PTPRE: variants seen among roughly 807,000 people sequenced by gnomAD.
PTPRE encodes the protein protein tyrosine phosphatase receptor type E.
In PTPRE, 51 loss-of-function variants were observed where a neutral mutation model predicts 102.0. The observed-to-expected ratio is 0.50, with a 90% CI of 0.40 to 0.63. PTPRE has a LOEUF of 0.63. Among genes scored for constraint, PTPRE ranks in the 30% least tolerant of loss-of-function variants. The pLI is 0.00. For synonymous variants in PTPRE, 345 were observed against 348.2 expected (o/e 0.99, Z 0.10); for missense variants, 752 against 915.1 (o/e 0.82, Z 2.30).
At chr10:127,914,417 T>C (rs1846069471) in intron 1 of PTPRE, among the ~76,000 whole-genome samples, 1 of 152,230 alleles carries the variant, frequency 6.6e-6, no homozygotes, top group Non-Finnish European at 1.5e-5. Context: ...ACTATCATAC[T>C]TCCCAGGATA....
At chr10:128,053,589 C>T (rs537324069) in intron 6 of PTPRE, among the ~76,000 whole-genome samples, 6 of 152,292 alleles carry the variant, frequency 3.9e-5, no homozygotes, top group Admixed American at 1.3e-4. Context: ...GGGCCCGATG[C>T]CCCTCCCCAC....
At position 128,083,574 on chromosome 10, in the gene PTPRE, GATGTAAATGCTGGGTGGTCCCGTTGACCC is replaced by G. The variant is rs1851890615; in HGVS notation, c.*670_*698del. 6.6e-6 allele frequency: 1 copy of G among 152,100 alleles called. No individual in the cohort carries two copies. Among genetic ancestry groups the G allele is most frequent in the Non-Finnish European group, 1.5e-5 (1 of 68,028 alleles). The allele number at this position is 152,100 out of a possible 1,614,324, so 9.4% of individuals were successfully genotyped here. On this transcript the variant is annotated 3_prime_UTR_variant, in exon 21 of 21. Coordinates refer to ENST00000254667, the MANE Select transcript of PTPRE (RefSeq NM_006504.6). ...ACACTATCTTGGCTGAACGAGAAGAGATGTAAATGCTGGGTGGTCCCGTTGACCCACGGCGTTGGGTACAACAAAACCAG... is the reference window on the plus strand; with the variant it reads ...ACACTATCTTGGCTGAACGAGAAGAGACGGCGTTGGGTACAACAAAACCAG...
chr10:127,999,867 G>C (rs1379568811), intron 2 of PTPRE: 1 of 985,246 alleles, frequency 1.0e-6, no homozygotes, highest in Admixed American at 6.2e-5. Flanking sequence ...AGCCTGCTTG[G>C]AAATGTTCAA....
Position 128,079,574 on chromosome 10 carries a change from G to A in PTPRE, c.1907G>A (p.Arg636Gln), listed in dbSNP as rs762552940. The A allele has an allele frequency of 1.9e-6, 3 of 1,614,076 alleles. No homozygotes were observed. The highest frequency in any genetic ancestry group is 2.2e-5 in the East Asian group (1 of 44,882). Residue 636 changes from arginine (R) to glutamine (Q), a missense_variant, in exon 20 of 21, where the codon CGA becomes CAA. This residue lies in a region of PTPRE where 636 missense variants were observed against 824.4 expected (regional missense o/e 0.77). Coordinates refer to ENST00000254667, the MANE Select transcript of PTPRE (RefSeq NM_006504.6). Reference sequence around the variant, plus strand: ...TTTCTCTGCAGTGCCGGAGCTGGGCGAACAGGTACATTCATAGCCCTCAGC... The same window carrying A: ...TTTCTCTGCAGTGCCGGAGCTGGGCAAACAGGTACATTCATAGCCCTCAGC... ...ITVHCSAGAG[R>Q]TGTFIALSNI...
At chr10:127,950,677 G>A (rs1848948875) in intron 1 of PTPRE, among the ~76,000 whole-genome samples, 1 of 152,242 alleles carries the variant, frequency 6.6e-6, no homozygotes, top group Admixed American at 6.5e-5. Flanking sequence ...GGGGCCAAGT[G>A]GCAGCACTCA....
chr10:127,942,973 GA>G (rs1266982267), intron 1 of PTPRE, among the ~76,000 whole-genome samples: 32 of 152,314 alleles, frequency 2.1e-4, no homozygotes, highest in Middle Eastern at 6.8e-3. Context: ...TTGAGACTCG[GA>G]AGCAATTTTA....
At chr10:128,038,907 A>T (rs1247662966) in intron 2 of PTPRE, among the ~76,000 whole-genome samples, 1 of 152,138 alleles carries the variant, frequency 6.6e-6, no homozygotes, top group Non-Finnish European at 1.5e-5. Flanking sequence ...ATGTCAGGAA[A>T]ATCACCTGTG....
chr10:128,081,099 TAA>T (rs1294468459), intron 20 of PTPRE, among the ~76,000 whole-genome samples: 1 of 152,056 alleles, frequency 6.6e-6, no homozygotes, highest in Non-Finnish European at 1.5e-5. Context: ...GGGAAAGGCT[TAA>T]CTAGTACTGT....
intron 2 of PTPRE, among the ~76,000 whole-genome samples, chr10:127,985,034 G>A (rs115817716): frequency 0.016 from 2,406 of 152,314 alleles, 36 homozygotes; most frequent in African/African-American, 0.031. Flanking sequence ...TCACTTGTGG[G>A]ATTCAGAGAC....
chr10:127,949,112 G>T (rs752626040), intron 1 of PTPRE, among the ~76,000 whole-genome samples: 1 of 152,220 alleles, frequency 6.6e-6, no homozygotes, highest in Non-Finnish European at 1.5e-5. Flanking sequence ...GCCACGGACT[G>T]GGAATTTCAC....
In PTPRE at chr10:128,047,401, C is replaced by G; in HGVS notation, c.121C>G (p.Pro41Ala). ...TGCTTCTCCTGCAGGCCCTCCGGAC[C>G]CGGGCGCCTCCCAGCCGCTGCTGGC... is the stretch of plus-strand genomic sequence containing the variant. ...ETTTTSGPPD[P>A]GASQPLLAWL... The change falls in exon 4 of 21, where the codon CCG (proline) becomes GCG (alanine). Residue 41 changes from proline to alanine, a missense_variant. Coordinates refer to ENST00000254667, the MANE Select transcript of PTPRE (RefSeq NM_006504.6). 6.2e-7 allele frequency: 1 copy of G among 1,612,876 alleles called. No homozygotes were observed. Among genetic ancestry groups the G allele is most frequent in the Non-Finnish European group, 8.5e-7 (1 of 1,179,892 alleles).
At position 127,956,312 on chromosome 10, in the gene PTPRE, G is replaced by A. The variant is rs535702352; in HGVS notation, c.-30-25962G>A. Among the ~76,000 whole-genome samples the A allele has an allele frequency of 1.1e-3, 175 of 152,310 alleles. 1 individual carries two copies. Among genetic ancestry groups the A allele is most frequent in the African/African-American group, 4.1e-3 (171 of 41,552 alleles). On this transcript the variant is annotated intron_variant, in intron 1 of 20. Coordinates refer to ENST00000254667, the MANE Select transcript of PTPRE (RefSeq NM_006504.6). ...TTAGCATTTGAGTCCAAGTGGACTA[G>A]ATGAGAAGCCACACTGCCAGCATCT...
chr10:127,974,959 G>A (rs1412488777), intron 1 of PTPRE, among the ~76,000 whole-genome samples: 1 of 152,118 alleles, frequency 6.6e-6, no homozygotes, highest in South Asian at 2.1e-4. Context: ...ACTGTACTGT[G>A]TTGTTGTAGA....
rs571927184 is a variant in PTPRE, at chr10:128,040,380, G to T, written c.-7-495G>T. Reference sequence around the variant, plus strand: ...TGAAAGGATCGAGGTTTCCCAGGCAGAGTGAAGGGGGATGAAGAAACCGAT... The same window carrying T: ...TGAAAGGATCGAGGTTTCCCAGGCATAGTGAAGGGGGATGAAGAAACCGAT... On this transcript the variant is annotated intron_variant, in intron 2 of 20. Coordinates refer to ENST00000254667, the MANE Select transcript of PTPRE (RefSeq NM_006504.6). Among the ~76,000 whole-genome samples the T allele has an allele frequency of 1.6e-4, 24 of 152,288 alleles. 1 individual carries two copies. The South Asian group carries it at 3.7e-3, about 24-fold the overall frequency.
chr10:128,035,257 T>C (rs1488057384), intron 2 of PTPRE, among the ~76,000 whole-genome samples: 1 of 149,644 alleles, frequency 6.7e-6, no homozygotes, highest in East Asian at 2.0e-4. Flanking sequence ...AAAAGTTTTC[T>C]TAAAAACATA....
At position 128,066,057 on chromosome 10, in the gene PTPRE, T is replaced by C. The variant is rs766827538; in HGVS notation, c.724-18T>C. The C allele has an allele frequency of 1.9e-6, 3 of 1,614,040 alleles. No homozygotes were observed. Among genetic ancestry groups the C allele is most frequent in the African/African-American group, 1.3e-5 (1 of 74,896 alleles). ...GCACCCACAGATCTATTTGCTTCTA[T>C]TAAATTGTTCCGTGCAGGAAAAGTG... On this transcript the variant is annotated intron_variant, in intron 10 of 20. Coordinates refer to ENST00000254667, the MANE Select transcript of PTPRE (RefSeq NM_006504.6).
At chr10:127,908,289 G>T (rs1433611629) in intron 1 of PTPRE, among the ~76,000 whole-genome samples, 1 of 152,126 alleles carries the variant, frequency 6.6e-6, no homozygotes, top group Non-Finnish European at 1.5e-5. Context: ...ACGTGATACA[G>T]AAATTACTGT....
At chr10:128,054,489 G>A (rs559468247) in intron 6 of PTPRE, among the ~76,000 whole-genome samples, 5 of 152,238 alleles carry the variant, frequency 3.3e-5, no homozygotes, top group African/African-American at 9.6e-5. Context: ...TACAGGCGGC[G>A]TAGGTGCTGG....
rs559755821 is a variant in PTPRE at position 127,969,064 on chromosome 10, G to A, written c.-30-13210G>A. On this transcript the variant is annotated intron_variant, in intron 1 of 20. Transcript: ENST00000254667. Reference sequence around the variant, plus strand: ...AACAATGGTTTTCACCCCAAAAGATGGAGAATTCCCCTTTCTATTTCCATA... The same window carrying A: ...AACAATGGTTTTCACCCCAAAAGATAGAGAATTCCCCTTTCTATTTCCATA... Among the ~76,000 whole-genome samples the A allele has an allele frequency of 6.6e-5, 10 of 152,310 alleles. No individual in the cohort carries two copies. The South Asian group carries it at 1.0e-3, about 16-fold the overall frequency.
Sources: gnomAD v4.1 joint callset for allele counts (sites outside exome capture counted in the v4.1 genomes callset) on GRCh38, gnomAD v4.1.1 for gene constraint, gnomAD v4.1.1 regional missense constraint, MANE v1.5 for transcripts, NCBI Gene and HGNC (gene_info 2026-07-23, HGNC 2026-07-21) for gene names.